Variants in CHST9 observed in about 807,000 individuals in gnomAD.
The protein encoded by CHST9 is carbohydrate sulfotransferase 9.
Under a neutral mutation model 44.4 loss-of-function variants are expected in CHST9, and 41 were observed. The observed-to-expected ratio is 0.92, with a 90% CI of 0.72 to 1.20. The LOEUF is 1.20. CHST9 is among the 50% of genes most tolerant of loss of function. The probability of loss-of-function intolerance (pLI) is 0.00; values close to 1 mark genes in which losing one functional copy is unlikely to be tolerated. For synonymous variants in CHST9, 171 were observed against 178.4 expected (o/e 0.96, Z 0.33); for missense variants, 504 against 516.5 (o/e 0.98, Z 0.23).
At chr18:27,050,343 A>C (rs2057550864) in intron 2 of CHST9, among the ~76,000 whole-genome samples, 1 of 152,164 alleles carries the variant, frequency 6.6e-6, no homozygotes. Context: ...GTGTATGAAC[A>C]CCACGGTGGA....
At chr18:26,935,762 T>A (rs973458266) in intron 5 of CHST9, 1 of 152,172 alleles carries the variant, frequency 6.6e-6, no homozygotes, top group Admixed American at 6.5e-5. Flanking sequence ...CTTCTGTGTA[T>A]AAGAATTTTT....
chr18:27,129,187 G>C (rs115515516), intron 2 of CHST9, among the ~76,000 whole-genome samples: 1,767 of 151,484 alleles, frequency 0.012, 36 homozygotes, highest in African/African-American at 0.037. Context: ...TTAGCATTCT[G>C]TGACTTAGGG....
At chr18:26,989,984 A>G (rs1234783875) in intron 4 of CHST9, among the ~76,000 whole-genome samples, 1 of 152,098 alleles carries the variant, frequency 6.6e-6, no homozygotes, top group Admixed American at 6.6e-5. Flanking sequence ...AAATTTAAAA[A>G]TAAAGAAAAA....
intron 5 of CHST9, among the ~76,000 whole-genome samples, chr18:26,941,681 G>A (rs2056084720): frequency 6.6e-6 from 1 of 152,036 alleles, no homozygotes; most frequent in African/African-American, 2.4e-5. Context: ...TAGAACAGAG[G>A]CTGCCAAGCA....
chr18:27,054,170 A>G (rs1244969221), intron 2 of CHST9, among the ~76,000 whole-genome samples: 1 of 152,220 alleles, frequency 6.6e-6, no homozygotes, highest in Non-Finnish European at 1.5e-5. Flanking sequence ...TAGTACTGCT[A>G]AAATGCAGTG....
At chr18:27,151,680 G>A (rs1306435808) in intron 1 of CHST9, among the ~76,000 whole-genome samples, 1 of 152,268 alleles carries the variant, frequency 6.6e-6, no homozygotes, top group East Asian at 1.9e-4. Flanking sequence ...AGAACGACTG[G>A]AATCACCTTT....
intron 5 of CHST9, among the ~76,000 whole-genome samples, chr18:26,939,796 C>A (rs143447620): frequency 6.6e-6 from 1 of 152,270 alleles, no homozygotes; most frequent in East Asian, 1.9e-4. Context: ...TGCATCTGCC[C>A]CCATCAAGGA....
intron 1 of CHST9, among the ~76,000 whole-genome samples, chr18:27,157,419 T>G (rs1353896043): frequency 6.6e-6 from 1 of 152,138 alleles, no homozygotes; most frequent in Non-Finnish European, 1.5e-5. Context: ...AGCAATCACA[T>G]GCAAATATTT....
At chr18:26,933,538 A>T (rs925789213) in intron 5 of CHST9, 2 of 153,396 alleles carry the variant, frequency 1.3e-5, no homozygotes, top group African/African-American at 4.8e-5. Flanking sequence ...TAGACACCAA[A>T]CTCCATTCAT....
chr18:26,993,653 T>G (rs552039205), intron 4 of CHST9, among the ~76,000 whole-genome samples: 68 of 152,294 alleles, frequency 4.5e-4, no homozygotes, highest in African/African-American at 1.6e-3. Context: ...GATTTAATTG[T>G]TTTTAGAAAA....
intron 4 of CHST9, among the ~76,000 whole-genome samples, chr18:26,979,521 T>G (rs2056665986): frequency 6.6e-6 from 1 of 152,192 alleles, no homozygotes; most frequent in African/African-American, 2.4e-5. Flanking sequence ...CTTCCTCATC[T>G]TCCTTTGGTA....
At chr18:27,169,371 G>C (rs2058816029) in intron 1 of CHST9, among the ~76,000 whole-genome samples, 2 of 152,016 alleles carry the variant, frequency 1.3e-5, no homozygotes. Flanking sequence ...AAACTTATAT[G>C]CACCTAATAG....
chr18:27,027,414 AAAGAAAAAAAT>A (rs781612774), intron 3 of CHST9, among the ~76,000 whole-genome samples: 1 of 152,240 alleles, frequency 6.6e-6, no homozygotes, highest in Admixed American at 6.5e-5. Context: ...ATTTGGATGC[AAAGAAAAAAAT>A]AATCACAGTG....
Position 26,911,796 on chromosome 18 carries a change from G to A in CHST9, c.*4463C>T, listed in dbSNP as rs936278801. On this transcript the variant is annotated 3_prime_UTR_variant, in exon 6 of 6. Coordinates refer to ENST00000618847, the MANE Select transcript of CHST9 (RefSeq NM_031422.6). The stretch of plus-strand genomic sequence containing the variant: ...CCAGACCTGGCCTTCCTCAGGTAAT[G>A]ATCACAGGCCTGGGAAATGTCTGCC... 6.6e-6 allele frequency: 1 copy of A among 152,178 alleles called. No homozygotes were observed. Among genetic ancestry groups the A allele is most frequent in the Non-Finnish European group, 1.5e-5 (1 of 68,040 alleles). The allele number at this position is 152,178 out of a possible 1,614,324, so 9.4% of individuals were successfully genotyped here.
At chr18:26,971,473 TAACA>T (rs1215576384) in intron 4 of CHST9, among the ~76,000 whole-genome samples, 2 of 152,216 alleles carry the variant, frequency 1.3e-5, no homozygotes, top group African/African-American at 4.8e-5. Context: ...TGTGTTGCAA[TAACA>T]AACAATTGCC....
chr18:27,112,606 TG>T, intron 2 of CHST9, among the ~76,000 whole-genome samples: 1 of 151,158 alleles, frequency 6.6e-6, no homozygotes, highest in South Asian at 2.1e-4. Context: ...TGTGTGTGTG[TG>T]TGTGTGTGTA....
At chr18:27,071,509 A>G (rs931544440) in intron 2 of CHST9, among the ~76,000 whole-genome samples, 1 of 152,224 alleles carries the variant, frequency 6.6e-6, no homozygotes, top group African/African-American at 2.4e-5. Context: ...CTCTAGCATA[A>G]ATGAGCAATC....
chr18:26,911,261 C>T lies in CHST9; in HGVS notation c.*4998G>A, dbSNP rs955456634. ...ACTGAGTGCCTTGCTAGACATGGTA[C>T]AAAGTGCATTCAACAGACACAGTTC... On this transcript the variant is annotated 3_prime_UTR_variant, in exon 6 of 6. Transcript: ENST00000618847. The T allele has an allele frequency of 6.6e-6, 1 of 152,194 alleles. No individual in the cohort carries two copies. Among genetic ancestry groups the T allele is most frequent in the Non-Finnish European group, 1.5e-5 (1 of 68,030 alleles). 9.4% of individuals were successfully genotyped at this position (152,194 alleles called of 1,614,324 possible).
intron 5 of CHST9, among the ~76,000 whole-genome samples, chr18:26,922,274 T>C (rs1281044641): frequency 6.6e-6 from 1 of 152,174 alleles, no homozygotes; most frequent in African/African-American, 2.4e-5. Context: ...TCTAGTTTGA[T>C]GTAAAAATCC....
Sources: gnomAD v4.1 joint callset for allele counts (sites outside exome capture counted in the v4.1 genomes callset) on GRCh38, gnomAD v4.1.1 for gene constraint, MANE v1.5 for transcripts, NCBI Gene and HGNC (gene_info 2026-07-23, HGNC 2026-07-21) for gene names.